The following ZBTB20 variants were observed in gnomAD, a reference collection of about 807,000 sequenced individuals.
ZBTB20 encodes zinc finger and BTB domain-containing protein 20.
A neutral mutation model predicts 56.9 loss-of-function variants in ZBTB20; 9 were observed. The ratio of observed to expected loss-of-function variants is 0.16; its 90% CI spans 0.10 to 0.28. ZBTB20 has a LOEUF of 0.28. Ranked by LOEUF, ZBTB20 falls within the 10% of genes least tolerant of loss-of-function variation. The pLI is 1.00. For missense variants in ZBTB20, 655 were observed against 1,003.0 expected (o/e 0.65, Z 4.69); for synonymous variants, 417 against 420.7 (o/e 0.99, Z 0.11).
At chr3:114,598,525 A>T (rs1031741367) in intron 6 of ZBTB20, among the ~76,000 whole-genome samples, 29 of 152,200 alleles carry the variant, frequency 1.9e-4, no homozygotes, top group Middle Eastern at 3.4e-3. Context: ...AGATAGGCAT[A>T]TACACAAACA....
chr3:114,863,040 A>T (rs1379313685), intron 4 of ZBTB20, among the ~76,000 whole-genome samples: 1 of 152,144 alleles, frequency 6.6e-6, no homozygotes, highest in African/African-American at 2.4e-5. Context: ...TTCATATACA[A>T]TGCAATTATG....
intron 6 of ZBTB20, among the ~76,000 whole-genome samples, chr3:114,682,401 G>A (rs1039666727): frequency 2.6e-5 from 4 of 152,156 alleles, no homozygotes; most frequent in Non-Finnish European, 4.4e-5. Context: ...TAAAAAAGAA[G>A]AGTAGTACTC....
chr3:114,686,350 A>C lies in ZBTB20; in HGVS notation c.-295+7178T>G, dbSNP rs148430101. Among the ~76,000 whole-genome samples the C allele has an allele frequency of 1.6e-4, 25 of 152,310 alleles. No homozygotes were observed. In the East Asian group the frequency reaches 4.8e-3, roughly 29 times the overall value. Reference sequence around the variant, plus strand: ...TTCACAGAATTTGGTGTCCTTCTGAAAACCTAGGGAAGCCTAGGAAATCCA... The same window carrying C: ...TTCACAGAATTTGGTGTCCTTCTGACAACCTAGGGAAGCCTAGGAAATCCA... On this transcript the variant is annotated intron_variant, in intron 6 of 11. Coordinates refer to ENST00000675478, the MANE Select transcript of ZBTB20 (RefSeq NM_001348800.3).
chr3:114,420,225 C>T (rs1348679528), intron 7 of ZBTB20, among the ~76,000 whole-genome samples: 1 of 151,978 alleles, frequency 6.6e-6, no homozygotes, highest in East Asian at 1.9e-4. Context: ...ATGGGGAAGC[C>T]CAGGAGAGCT....
rs997752559 is a variant in ZBTB20 at position 114,686,373 on chromosome 3, C to A, written c.-295+7155G>T. The stretch of plus-strand genomic sequence containing the variant: ...GAAAACCTAGGGAAGCCTAGGAAAT[C>A]CAGAGAACAACTGAGGAGGATAGTA... On this transcript the variant is annotated intron_variant, in intron 6 of 11. Transcript: ENST00000675478. Among the ~76,000 whole-genome samples the A allele has an allele frequency of 3.9e-5, 6 of 152,112 alleles. No homozygotes were observed. The South Asian group carries it at 1.0e-3, about 26-fold the overall frequency.
intron 5 of ZBTB20, among the ~76,000 whole-genome samples, chr3:114,776,032 CT>C (rs11324801): frequency 0.71 from 96,295 of 135,264 alleles, 35,557 homozygotes; most frequent in East Asian, 0.96. Context: ...AATTTTTTTT[CT>C]TTTTTTTTTT....
intron 1 of ZBTB20, among the ~76,000 whole-genome samples, chr3:115,124,033 T>C (rs2084254248): frequency 6.6e-6 from 1 of 152,214 alleles, no homozygotes; most frequent in Non-Finnish European, 1.5e-5. Flanking sequence ...TACCTCATAG[T>C]GTTGAAAAGA....
At chr3:114,393,487 C>G (rs2086066643) in intron 7 of ZBTB20, among the ~76,000 whole-genome samples, 1 of 152,184 alleles carries the variant, frequency 6.6e-6, no homozygotes, top group East Asian at 1.9e-4. Context: ...ATCTTACTTT[C>G]ATTTTTGGCA....
At chr3:114,636,660 C>A (rs1014573454) in intron 6 of ZBTB20, among the ~76,000 whole-genome samples, 4 of 151,594 alleles carry the variant, frequency 2.6e-5, no homozygotes, top group African/African-American at 9.7e-5. Flanking sequence ...AGAAAAACAC[C>A]TGTAGTAGAT....
intron 11 of ZBTB20, among the ~76,000 whole-genome samples, chr3:114,348,439 C>T (rs1318188498): frequency 6.6e-6 from 1 of 152,156 alleles, no homozygotes; most frequent in Admixed American, 6.5e-5. Flanking sequence ...GATATCCATA[C>T]CATATGGAAA....
chr3:114,931,435 G>C (rs1407154886), intron 3 of ZBTB20: 1 of 199,574 alleles, frequency 5.0e-6, no homozygotes, highest in Non-Finnish European at 1.0e-5. Context: ...TTCTGCACCC[G>C]AGGCAGAAGA....
At chr3:114,671,457 C>T (rs2108169525) in intron 6 of ZBTB20, among the ~76,000 whole-genome samples, 1 of 152,184 alleles carries the variant, frequency 6.6e-6, no homozygotes, top group East Asian at 1.9e-4. Context: ...TTGAAGGGAT[C>T]CAAACTGATA....
At chr3:114,848,554 G>A (rs913007822) in intron 4 of ZBTB20, among the ~76,000 whole-genome samples, 1 of 152,132 alleles carries the variant, frequency 6.6e-6, no homozygotes, top group African/African-American at 2.4e-5. Context: ...AGGGCCCCAC[G>A]TGCTTAAATT....
At chr3:114,387,066 G>C (rs1432720761) in intron 8 of ZBTB20, among the ~76,000 whole-genome samples, 1 of 152,028 alleles carries the variant, frequency 6.6e-6, no homozygotes, top group East Asian at 1.9e-4. Flanking sequence ...CCTCTGCCGT[G>C]ACAGACTTTA....
chr3:115,033,462 T>C (rs72943823), intron 2 of ZBTB20, among the ~76,000 whole-genome samples: 1 of 151,560 alleles, frequency 6.6e-6, no homozygotes, highest in African/African-American at 2.4e-5. Flanking sequence ...TCAACTAAAG[T>C]TTCCTCAAAA....
At chr3:115,113,000 G>C (rs1487781697) in intron 1 of ZBTB20, among the ~76,000 whole-genome samples, 2 of 152,114 alleles carry the variant, frequency 1.3e-5, no homozygotes, top group Non-Finnish European at 2.9e-5. Context: ...ACCAGTGTAA[G>C]ATGTTATCTC....
At chr3:114,897,176 A>G (rs185182429) in intron 4 of ZBTB20, among the ~76,000 whole-genome samples, 3 of 152,296 alleles carry the variant, frequency 2.0e-5, no homozygotes, top group East Asian at 3.9e-4. Context: ...ACAAGGGAAC[A>G]GAAACATTAG....
intron 3 of ZBTB20, among the ~76,000 whole-genome samples, chr3:114,924,169 G>C (rs1029969593): frequency 6.6e-6 from 1 of 152,020 alleles, no homozygotes; most frequent in African/African-American, 2.4e-5. Context: ...ATTTAAAATA[G>C]AATAATTATA....
chr3:114,496,851 A>G, intron 7 of ZBTB20, among the ~76,000 whole-genome samples: 1 of 152,162 alleles, frequency 6.6e-6, no homozygotes, highest in Non-Finnish European at 1.5e-5. Flanking sequence ...AAACTGTTTC[A>G]TTTTCAGGTG....
Sources: allele counts gnomAD v4.1 joint callset (sites outside exome capture counted in the v4.1 genomes callset), GRCh38; gene constraint gnomAD v4.1.1; transcripts MANE v1.5; gene names NCBI Gene and HGNC (gene_info 2026-07-23, HGNC 2026-07-21).